Variants in KCNMA1 observed in about 807,000 individuals in gnomAD.
KCNMA1 encodes Calcium-activated potassium channel subunit alpha-1.
In KCNMA1, 29 loss-of-function variants were observed where a neutral mutation model predicts 140.0. The observed-to-expected ratio is 0.21, with a 90% CI of 0.15 to 0.28. The LOEUF (loss-of-function observed/expected upper bound fraction) is 0.28. KCNMA1 is among the 10% of genes least tolerant of loss of function. KCNMA1 has a pLI of 1.00. For synonymous variants in KCNMA1, 612 were observed against 611.9 expected (o/e 1.00, Z 0.00); for missense variants, 880 against 1,602.2 (o/e 0.55, Z 7.70).
intron 2 of KCNMA1, among the ~76,000 whole-genome samples, chr10:77,402,014 A>G (rs1469351657): frequency 6.6e-6 from 1 of 152,244 alleles, no homozygotes; most frequent in South Asian, 2.1e-4. Flanking sequence ...AACTCTTGCA[A>G]TGCTGATGAA....
chr10:77,426,887 G>A (rs2097013186), intron 1 of KCNMA1, among the ~76,000 whole-genome samples: 1 of 152,168 alleles, frequency 6.6e-6, no homozygotes, highest in Non-Finnish European at 1.5e-5. Context: ...CCCAAAGTAA[G>A]AAATACATTT....
chr10:77,587,670 C>G, intron 1 of KCNMA1: 1 of 984,236 alleles, frequency 1.0e-6, no homozygotes, highest in Non-Finnish European at 1.2e-6. Context: ...TCAGTGGAAT[C>G]TGTGGAAGGT....
chr10:77,507,660 G>C (rs1233615755), intron 1 of KCNMA1, among the ~76,000 whole-genome samples: 1 of 152,178 alleles, frequency 6.6e-6, no homozygotes. Context: ...AAGATCTGAA[G>C]GGACCAGACT....
chr10:77,180,134 G>A (rs1201616949), intron 5 of KCNMA1, among the ~76,000 whole-genome samples: 1 of 152,188 alleles, frequency 6.6e-6, no homozygotes, highest in African/African-American at 2.4e-5. Flanking sequence ...CAGGAGAATG[G>A]GGATAGACTT....
Position 76,887,871 on chromosome 10 carries a change from T to C in KCNMA1, c.3462-356A>G, listed in dbSNP as rs2037912241. ...TCATGAAGTGTGATGCAACTTTCAT[T>C]TCATAATTTTCGGACAATCCCAGAT... On this transcript the variant is annotated intron_variant, in intron 27 of 27. Transcript: ENST00000286628. 4.1e-5 allele frequency: 13 copies of C among 316,468 alleles called. No individual in the cohort carries two copies. In the South Asian group the frequency reaches 4.2e-4, roughly 10 times the overall value. The allele number at this position is 316,468 out of a possible 1,614,324, so 19.6% of individuals were successfully genotyped here.
At chr10:76,888,582 A>AT in intron 27 of KCNMA1, among the ~76,000 whole-genome samples, 1 of 152,218 alleles carries the variant, frequency 6.6e-6, no homozygotes, top group African/African-American at 2.4e-5. Context: ...TGTACTTTTA[A>AT]TTTTTGCCTG....
Position 77,099,223 on chromosome 10 carries a change from G to A in KCNMA1, c.1224-8713C>T, listed in dbSNP as rs552306944. ...AGGAGAGGGTTTTGATTTACAAAGCGAGCCCCACCTCCCTCCCTAACACCC... is the reference window on the plus strand; with the variant it reads ...AGGAGAGGGTTTTGATTTACAAAGCAAGCCCCACCTCCCTCCCTAACACCC... On this transcript the variant is annotated intron_variant, in intron 9 of 27. Transcript: ENST00000286628. Among the ~76,000 whole-genome samples the A allele has an allele frequency of 1.6e-3, 240 of 151,924 alleles. 2 individuals carry two copies. Among genetic ancestry groups the A allele is most frequent in the African/African-American group, 5.4e-3 (223 of 41,444 alleles).
At chr10:77,596,499 C>T (rs1434935177) in intron 1 of KCNMA1, among the ~76,000 whole-genome samples, 10 of 152,184 alleles carry the variant, frequency 6.6e-5, no homozygotes, top group Admixed American at 6.5e-5. Flanking sequence ...AAAGTTTACA[C>T]GATCCTGCTC....
In KCNMA1 at chr10:77,048,922, G is replaced by A. The variant is rs150925217; in HGVS notation, c.1750-9285C>T. Among the ~76,000 whole-genome samples, 209 of 152,012 alleles carry A rather than the reference G, an allele frequency of 1.4e-3. 1 individual carries two copies. The highest frequency in any genetic ancestry group is 4.8e-3 in the African/African-American group (198 of 41,496). ...ACTACAAGCGCCTGCCACCACGCCC[G>A]GTTAATTTTGTTTTTGTATTTTTAG... On this transcript the variant is annotated intron_variant, in intron 14 of 27. Transcript: ENST00000286628.
chr10:77,594,613 G>A (rs895843473), intron 1 of KCNMA1, among the ~76,000 whole-genome samples: 5 of 152,164 alleles, frequency 3.3e-5, no homozygotes, highest in African/African-American at 1.2e-4. Flanking sequence ...AGTGCTATGA[G>A]GATGGAGTGA....
At chr10:77,523,038 T>A (rs183103313) in intron 1 of KCNMA1, among the ~76,000 whole-genome samples, 2 of 152,234 alleles carry the variant, frequency 1.3e-5, no homozygotes, top group African/African-American at 4.8e-5. Context: ...TGACCCTCCA[T>A]GCCACAGGTG....
At chr10:77,398,789 C>T (rs1190916245) in intron 2 of KCNMA1, among the ~76,000 whole-genome samples, 1 of 152,180 alleles carries the variant, frequency 6.6e-6, no homozygotes, top group East Asian at 1.9e-4. Context: ...CTTACCAACC[C>T]TGAATTTGAC....
At chr10:77,085,159 T>C (rs1292865589) in intron 11 of KCNMA1, among the ~76,000 whole-genome samples, 1 of 152,194 alleles carries the variant, frequency 6.6e-6, no homozygotes, top group East Asian at 1.9e-4. Flanking sequence ...GATTCAGAAA[T>C]GTACACTCTG....
At chr10:77,119,174 C>T (rs1210975671) in intron 6 of KCNMA1, among the ~76,000 whole-genome samples, 1 of 152,170 alleles carries the variant, frequency 6.6e-6, no homozygotes, top group East Asian at 1.9e-4. Context: ...GAGCTGACAC[C>T]AGGGATCCCA....
chr10:77,138,611 T>G (rs1323341914), intron 5 of KCNMA1, among the ~76,000 whole-genome samples: 1 of 152,132 alleles, frequency 6.6e-6, no homozygotes, highest in Non-Finnish European at 1.5e-5. Context: ...CATGGTCTTT[T>G]CAAATATCCA....
intron 2 of KCNMA1, among the ~76,000 whole-genome samples, chr10:77,265,280 G>A (rs1407544550): frequency 6.6e-6 from 1 of 152,134 alleles, no homozygotes; most frequent in Admixed American, 6.5e-5. Context: ...TCAAACTCCT[G>A]ACCTCAAATG....
intron 9 of KCNMA1, among the ~76,000 whole-genome samples, chr10:77,097,610 T>C (rs1422442611): frequency 6.6e-6 from 1 of 152,166 alleles, no homozygotes; most frequent in Non-Finnish European, 1.5e-5. Flanking sequence ...AAGGGATCTG[T>C]ACACATAAAG....
At chr10:76,948,002 G>T (rs201729361) in intron 22 of KCNMA1, among the ~76,000 whole-genome samples, 296 of 19,006 alleles carry the variant, frequency 0.016, 1 homozygote, top group African/African-American at 0.054. Flanking sequence ...GTTGTTTCTT[G>T]TTTTGTTTTT....
intron 3 of KCNMA1, among the ~76,000 whole-genome samples, chr10:77,231,677 AC>A (rs11345768): frequency 0.13 from 19,990 of 152,016 alleles, 2,606 homozygotes; most frequent in African/African-American, 0.32. Context: ...ATGTGCTCAC[AC>A]CCCAATGGCC....
Sources: gnomAD v4.1 joint callset for allele counts (sites outside exome capture counted in the v4.1 genomes callset) on GRCh38, gnomAD v4.1.1 for gene constraint, MANE v1.5 for transcripts, NCBI Gene and HGNC (gene_info 2026-07-23, HGNC 2026-07-21) for gene names.